The following CAD variants were observed in gnomAD, a reference collection of about 807,000 sequenced individuals.
CAD encodes multifunctional protein CAD.
CAD carries 81 observed loss-of-function variants against 237.2 expected under a neutral mutation model. The observed-to-expected ratio is 0.34, with a 90% CI of 0.29 to 0.41. The LOEUF is 0.41. Ranked by LOEUF, CAD falls within the 10% of genes least tolerant of loss-of-function variation. CAD has a pLI of 1.00. For synonymous variants in CAD, 1,196 were observed against 1,162.8 expected, an observed-to-expected ratio of 1.03 and a Z score of -0.58; for missense variants, 2,181 against 2,951.7, an observed-to-expected ratio of 0.74 and a Z score of 6.05.
At chr2:27,222,357 A>T (rs765109001) in intron 4 of CAD, 21 bp downstream of exon 4, 18 of 1,600,110 alleles carry the variant, frequency 1.1e-5, no homozygotes, top group Non-Finnish European at 1.5e-5. Context: ...AGAGTGGGAG[A>T]GTGTTGCAAG....
Position 27,238,598 on chromosome 2 carries a change from C to A in CAD, c.5028C>A (p.Asn1676Lys). 6.2e-7 allele frequency: 1 copy of A among 1,613,578 alleles called. No homozygotes were observed. Among genetic ancestry groups the A allele is most frequent in the Non-Finnish European group, 8.5e-7 (1 of 1,179,834 alleles). ...AGGATGTGGAAGCCCTGTGGGAGAACATGGCTGTCATCGACTGCTTTGCCT... is the reference window on the plus strand; with the variant it reads ...AGGATGTGGAAGCCCTGTGGGAGAAAATGGCTGTCATCGACTGCTTTGCCT... ...SRQDVEALWENMAVIDCFASD... is the reference protein window; with the variant it reads ...SRQDVEALWEKMAVIDCFASD... Residue 1676 changes from asparagine to lysine, a missense_variant, in exon 31 of 44, where the codon AAC (asparagine) becomes AAA (lysine). By Grantham distance (94) the Asn-to-Lys change is moderately conservative. This residue lies in a region of CAD where 478 missense variants were observed against 515.0 expected (regional missense o/e 0.93). Transcript: ENST00000264705.
At position 27,240,522 on chromosome 2, in the gene CAD, T is replaced by C. The variant is rs1676266277; in HGVS notation, c.5593+161T>C. On this transcript the variant is annotated intron_variant, in intron 35 of 43. Transcript: ENST00000264705. The surrounding 1 kb of genome is among the most constrained non-coding windows in gnomAD (Gnocchi z 4.6). Reference sequence around the variant, plus strand: ...CCTAAACAAGTCTCCCCGGTGTGAGTAGACATCTCACAGCTTCTCACATGC... The same window carrying C: ...CCTAAACAAGTCTCCCCGGTGTGAGCAGACATCTCACAGCTTCTCACATGC... 3 of 1,530,982 alleles carry C rather than the reference T, an allele frequency of 2.0e-6. No homozygotes were observed. The highest frequency in any genetic ancestry group is 2.7e-6 in the Non-Finnish European group (3 of 1,128,326). The allele number at this position is 1,530,982 out of a possible 1,614,324, so 94.8% of individuals were successfully genotyped here.
Position 27,224,370 on chromosome 2 carries a change from C to CT in CAD, c.1135dup (p.Cys379LeufsTer35). On this transcript the variant is annotated frameshift_variant, in exon 9 of 44. Coordinates refer to ENST00000264705, the MANE Select transcript of CAD (RefSeq NM_004341.5). LOFTEE classifies it high-confidence loss of function. ...TTAGAGAGCGGCTGACTGAGCGCCT[C>CT]TGTCCCCCTGGGATTCCCACTCCCG... The CT allele has an allele frequency of 6.2e-7, 1 of 1,614,228 alleles. No individual in the cohort carries two copies.
At chr2:27,220,221 A>C (rs945100653) in intron 2 of CAD, among the ~76,000 whole-genome samples, 1 of 152,222 alleles carries the variant, frequency 6.6e-6, no homozygotes, top group African/African-American at 2.4e-5. Context: ...ACACAAATAC[A>C]TATTCATCAT....
rs763549821 is a variant in CAD, at chr2:27,242,138, G to C, written c.6096+15G>C. On this transcript the variant is annotated intron_variant, in intron 39 of 43. Transcript: ENST00000264705. The surrounding 1 kb of genome is among the most constrained non-coding windows in gnomAD (Gnocchi z 6.4). ...GAGCAGTGGAGGTGAGGCCAGCCTG[G>C]GTACTGAGATGGGGTTAAGAAGGCT... 6.2e-7 allele frequency: 1 copy of C among 1,611,198 alleles called. No individual in the cohort carries two copies. The highest frequency in any genetic ancestry group is 8.5e-7 in the Non-Finnish European group (1 of 1,179,170).
chr2:27,238,084 C>G lies in CAD; in HGVS notation c.4757C>G (p.Pro1586Arg). 6.2e-7 allele frequency: 1 copy of G among 1,614,214 alleles called. No homozygotes were observed. The highest frequency in any genetic ancestry group is 1.7e-5 in the Admixed American group (1 of 60,028). Reference sequence around the variant, plus strand: ...TTCGAGACATGGCCCTCCCACCTCCCCATTGTGGCTCACGCAGAGCAGCAA... The same window carrying G: ...TTCGAGACATGGCCCTCCCACCTCCGCATTGTGGCTCACGCAGAGCAGCAA... ...EHFETWPSHL[P>R]IVAHAEQQTV... Residue 1586 changes from proline to arginine, a missense_variant, in exon 30 of 44, where the codon CCC (proline) becomes CGC (arginine). Pro to Arg is a moderately radical substitution (Grantham distance 103). This residue lies in a region of CAD where 478 missense variants were observed against 515.0 expected (regional missense o/e 0.93). Transcript: ENST00000264705.
At chr2:27,224,096 T>TGG in intron 8 of CAD, 67 bp downstream of exon 8, 1 of 1,204,952 alleles carries the variant, frequency 8.3e-7, no homozygotes, top group Non-Finnish European at 1.2e-6. Flanking sequence ...GGGCATAAGG[T>TGG]GGACATGCCC....
rs746886288 is a variant in CAD at position 27,225,126 on chromosome 2, C to T, written c.1503C>T (p.Val501=). ...TGCTGGCTCGGTATGGGGTCCGGGT[C>T]CTGGGCACACCAGTGGAGACCATTG... is the stretch of plus-strand genomic sequence containing the variant. The part of the protein sequence containing the change: ...AGVLARYGVR[V]LGTPVETIEL... Residue 501 remains valine (V), a synonymous_variant, in exon 11 of 44, where the codon GTC becomes GTT. Transcript: ENST00000264705. The T allele has an allele frequency of 6.2e-7, 1 of 1,614,052 alleles. No individual in the cohort carries two copies. The highest frequency in any genetic ancestry group is 1.7e-5 in the Admixed American group (1 of 60,006).
At position 27,236,370 on chromosome 2, in the gene CAD, A is replaced by G; in HGVS notation, c.4161A>G (p.Lys1387=). ...GCATCCTGGAGCAGCTAGCTGAGAA[A>G]AACTTTGAGCTGGTGATTAACCTGT... ...QRSILEQLAE[K]NFELVINLSM... is the part of the protein sequence containing the mutation. Residue 1387 remains lysine, a synonymous_variant, in exon 26 of 44, where the codon AAA becomes AAG. Coordinates refer to ENST00000264705, the MANE Select transcript of CAD (RefSeq NM_004341.5). The surrounding 1 kb of genome is among the most constrained non-coding windows in gnomAD (Gnocchi z 4.1). 1.9e-6 allele frequency: 3 copies of G among 1,614,202 alleles called. No homozygotes were observed. The highest frequency in any genetic ancestry group is 2.5e-6 in the Non-Finnish European group (3 of 1,180,040).
At position 27,232,287 on chromosome 2, in the gene CAD, G is replaced by C; in HGVS notation, c.2645+63G>C. ...TGGGGCAGAACCTTTGTATCAGTGAGGGACCCTTGGGAGGGAGGAAGGAGA... is the reference window on the plus strand; with the variant it reads ...TGGGGCAGAACCTTTGTATCAGTGACGGACCCTTGGGAGGGAGGAAGGAGA... On this transcript the variant is annotated intron_variant, in intron 17 of 43. Transcript: ENST00000264705. The surrounding 1 kb of genome is among the most constrained non-coding windows in gnomAD (Gnocchi z 4.1). The C allele has an allele frequency of 6.3e-7, 1 of 1,598,268 alleles. No individual in the cohort carries two copies. Among genetic ancestry groups the C allele is most frequent in the Non-Finnish European group, 8.5e-7 (1 of 1,173,272 alleles).
At chr2:27,226,057 AG>A in intron 12 of CAD, 73 bp from the exon 13 acceptor site, 1 of 1,503,884 alleles carries the variant, frequency 6.6e-7, no homozygotes. Context: ...CAGAGGTAAC[AG>A]GACCCTGGGG....
At chr2:27,231,958 C>CTA (rs1181059672) in intron 16 of CAD, 22 bp from the exon 17 acceptor site, 1 of 1,613,308 alleles carries the variant, frequency 6.2e-7, no homozygotes, top group Non-Finnish European at 8.5e-7. Flanking sequence ...TAGCTTCCGT[C>CTA]TGTCTACCCC....
Position 27,237,653 on chromosome 2 carries a change from TGGTGCCAGGCTAGCCTGTGTGGGCATG to T in CAD, c.4564-56_4564-30del, listed in dbSNP as rs982462404. On this transcript the variant is annotated intron_variant, in intron 28 of 43. Transcript: ENST00000264705. This position sits in a 1 kb window ranked among gnomAD's most constrained non-coding sequence, Gnocchi z 4.0. The stretch of plus-strand genomic sequence containing the variant: ...GCCCCGCCCTATGGGCCCAGGCCAC[TGGTGCCAGGCTAGCCTGTGTGGGCATG>T]GGTGCCAGTGAGCCTTACCTCTGTG... 2 of 1,576,550 alleles carry T rather than the reference TGGTGCCAGGCTAGCCTGTGTGGGCATG, an allele frequency of 1.3e-6. No homozygotes were observed. Among genetic ancestry groups the T allele is most frequent in the African/African-American group, 1.3e-5 (1 of 74,148 alleles).
In CAD at chr2:27,236,943, C is replaced by A; in HGVS notation, c.4396+113C>A. 1 of 835,786 alleles carries A rather than the reference C, an allele frequency of 1.2e-6. No individual in the cohort carries two copies. Among genetic ancestry groups the A allele is most frequent in the South Asian group, 1.4e-5 (1 of 72,964 alleles). The allele number at this position is 835,786 out of a possible 1,614,324, so 51.8% of individuals were successfully genotyped here. Reference sequence around the variant, plus strand: ...CACTCTTTGTCCTGGACTGCACAGACTGTGAAGACCCCAGAATGTTTCTCA... The same window carrying A: ...CACTCTTTGTCCTGGACTGCACAGAATGTGAAGACCCCAGAATGTTTCTCA... On this transcript the variant is annotated intron_variant, in intron 27 of 43. Transcript: ENST00000264705. This position sits in a 1 kb window ranked among gnomAD's most constrained non-coding sequence, Gnocchi z 4.1.
chr2:27,240,160 G>C lies in CAD; in HGVS notation c.5497-105G>C. ...GGAGGCTGAGGCAGGAGAATTGCTTGAACCCAGAAGGTCACGCCACTGCAC... is the reference window on the plus strand; with the variant it reads ...GGAGGCTGAGGCAGGAGAATTGCTTCAACCCAGAAGGTCACGCCACTGCAC... On this transcript the variant is annotated intron_variant, in intron 34 of 43. Transcript: ENST00000264705. This position sits in a 1 kb window ranked among gnomAD's most constrained non-coding sequence, Gnocchi z 4.6. The C allele has an allele frequency of 1.1e-6, 1 of 900,686 alleles. No homozygotes were observed. The highest frequency in any genetic ancestry group is 1.5e-5 in the South Asian group (1 of 67,764). The allele number at this position is 900,686 out of a possible 1,614,324, so 55.8% of individuals were successfully genotyped here.
In CAD at chr2:27,217,556, C is replaced by T. The variant is rs759444820; in HGVS notation, c.5C>T (p.Ala2Val). The change falls in exon 1 of 44, where the codon GCG (alanine) becomes GTG (valine). Residue 2 changes from alanine (A) to valine (V), a missense_variant. Physicochemically the swap from Ala to Val is moderately conservative, Grantham distance 64. Around this residue, in one of 12 missense-constraint regions of CAD, gnomAD observed 314 missense variants for 339.4 expected, o/e 0.93. Transcript: ENST00000264705. ...CCGCCTCTGAGCTCCCTTCCCATGGCGGCCCTAGTGTTGGAGGACGGGTCG... is the reference window on the plus strand; with the variant it reads ...CCGCCTCTGAGCTCCCTTCCCATGGTGGCCCTAGTGTTGGAGGACGGGTCG... M[A>V]ALVLEDGSVL... is the part of the protein sequence containing the mutation. The T allele has an allele frequency of 1.2e-6, 2 of 1,604,808 alleles. No individual in the cohort carries two copies. The highest frequency in any genetic ancestry group is 8.5e-7 in the Non-Finnish European group (1 of 1,176,126).
chr2:27,236,920 C>G lies in CAD; in HGVS notation c.4396+90C>G. ...TGGTGAAGGATGGCTGGGGGGCCCA[C>G]TCTTTGTCCTGGACTGCACAGACTG... On this transcript the variant is annotated intron_variant, in intron 27 of 43. Coordinates refer to ENST00000264705, the MANE Select transcript of CAD (RefSeq NM_004341.5). This position sits in a 1 kb window ranked among gnomAD's most constrained non-coding sequence, Gnocchi z 4.1. The G allele has an allele frequency of 9.6e-7, 1 of 1,046,952 alleles. No homozygotes were observed. The highest frequency in any genetic ancestry group is 1.3e-5 in the South Asian group (1 of 79,170). The allele number at this position is 1,046,952 out of a possible 1,614,324, so 64.9% of individuals were successfully genotyped here. A position where few individuals can be genotyped will look rare whatever the true frequency, so the allele number is the denominator to read the frequency against.
At chr2:27,225,305 T>C (rs1675382922) in intron 11 of CAD, 62 bp downstream of exon 11, 13 of 465,826 alleles carry the variant, frequency 2.8e-5, no homozygotes, top group Non-Finnish European at 3.2e-6. Context: ...GTTATTTTCT[T>C]TTTTTTTTTT....
rs73921502 is a variant in CAD at position 27,238,409 on chromosome 2, G to A, written c.4861-22G>A. The A allele has an allele frequency of 1.4e-3, 2,149 of 1,552,064 alleles. 28 individuals are homozygous for A. In the African/African-American group the frequency reaches 0.026, roughly 19 times the overall value. ...AAGGCATATGGGTGGTGCCTCTTCT[G>A]GATCTTCCCATTGTTCCCCAGATCC... On this transcript the variant is annotated intron_variant, in intron 30 of 43. Transcript: ENST00000264705.
Sources: allele counts gnomAD v4.1 joint callset (sites outside exome capture counted in the v4.1 genomes callset), GRCh38; gene constraint gnomAD v4.1.1; regional missense constraint gnomAD v4.1.1; non-coding constraint Gnocchi (gnomAD v3.1); transcripts MANE v1.5; gene names NCBI Gene and HGNC (gene_info 2026-07-23, HGNC 2026-07-21).